PRRT4: variants seen among roughly 807,000 people sequenced by gnomAD.
PRRT4 encodes the protein proline-rich transmembrane protein 4.
PRRT4 carries 59 observed loss-of-function variants against 55.6 expected under a neutral mutation model. That is an observed-to-expected ratio of 1.06 (90% confidence interval 0.86 to 1.32). PRRT4 has a LOEUF of 1.32. Among genes scored for constraint, PRRT4 ranks in the 40% most tolerant of loss-of-function variants. The probability of loss-of-function intolerance (pLI) is 0.00; values close to 1 mark genes in which losing one functional copy is unlikely to be tolerated. For synonymous variants in PRRT4, 606 were observed against 601.8 expected (o/e 1.01, Z -0.10); for missense variants, 1,217 against 1,222.0 (o/e 1.00, Z 0.06).
intron 4 of PRRT4, among the ~76,000 whole-genome samples, chr7:128,357,784 C>G (rs894824654): frequency 3.3e-5 from 5 of 152,192 alleles, no homozygotes; most frequent in African/African-American, 1.2e-4. Flanking sequence ...CCCTCAGTCC[C>G]TCTCCATGAC....
At chr7:128,352,588 G>T (rs1239128318) in exon 5 of PRRT4, 10 of 1,544,188 alleles carry the variant, frequency 6.5e-6, no homozygotes, top group Non-Finnish European at 8.7e-6. Flanking sequence ...CACGCTGCAG[G>T]ACCCTGGCCC....
exon 5 of PRRT4, chr7:128,352,078 G>A: frequency 2.5e-6 from 3 of 1,179,442 alleles, no homozygotes; most frequent in South Asian, 4.1e-5. Context: ...GAGCCGCAGG[G>A]GCCGCAGCGG....
downstream of PRRT4, chr7:128,350,510 T>G (rs1584675506): frequency 3.3e-6 from 1 of 299,148 alleles, no homozygotes; most frequent in Non-Finnish European, 6.3e-6. Flanking sequence ...GGTCCCAGGG[T>G]CCTCTGAGGA....
exon 5 of PRRT4, chr7:128,351,483 G>T: frequency 6.6e-7 from 1 of 1,519,568 alleles, no homozygotes; most frequent in South Asian, 1.2e-5. Flanking sequence ...GGCAACCTCC[G>T]CCCTGGAGTA....
intron 1 of PRRT4, among the ~76,000 whole-genome samples, chr7:128,360,946 A>C (rs974312822): frequency 1.3e-5 from 2 of 149,954 alleles, no homozygotes; most frequent in Non-Finnish European, 3.0e-5. Context: ...CCCGTGACAC[A>C]CTCACCCGTC....
Position 128,352,388 on chromosome 7 carries a change from A to G in PRRT4, c.1168T>C (p.Trp390Arg). ...CAGGGGGCGCCGGGCGGGCACCGCC[A>G]GGGCAAGAGGGCCAGAGCCAGCAGC... The change falls in exon 5 of 5, where the codon TGG becomes CGG. Residue 390 changes from tryptophan (W) to arginine (R), a missense_variant. Trp to Arg is a moderately radical substitution (Grantham distance 101). This residue lies in a region of PRRT4 where 564 missense variants were observed against 592.9 expected (regional missense o/e 0.95). Transcript: ENST00000535159. 1 of 1,524,196 alleles carries G rather than the reference A, an allele frequency of 6.6e-7. No homozygotes were observed. The highest frequency in any genetic ancestry group is 1.2e-5 in the South Asian group (1 of 82,442). The allele number at this position is 1,524,196 out of a possible 1,614,324, so 94.4% of individuals were successfully genotyped here.
intron 4 of PRRT4, among the ~76,000 whole-genome samples, 166 bp from the exon 6 acceptor site, chr7:128,352,844 C>T (rs909863716): frequency 1.3e-5 from 2 of 152,126 alleles, no homozygotes; most frequent in Non-Finnish European, 2.9e-5. Context: ...TTCCCTCCCC[C>T]GCGCCCCTAT....
downstream of PRRT4, chr7:128,350,591 G>A (rs1796933661): frequency 1.9e-6 from 1 of 534,328 alleles, no homozygotes; most frequent in Non-Finnish European, 3.4e-6. Context: ...CTTTATTGCT[G>A]GTGAATGCCA....
At chr7:128,352,540 G>A in exon 5 of PRRT4, 5 of 1,544,290 alleles carry the variant, frequency 3.2e-6, no homozygotes, top group East Asian at 2.4e-5. Flanking sequence ...GGGCCTCGGC[G>A]CCTCGGGAGG....
In PRRT4 at chr7:128,356,087, G is replaced by A. The variant is rs542848191; in HGVS notation, c.877+2594C>T. Among the ~76,000 whole-genome samples the A allele has an allele frequency of 9.1e-4, 138 of 151,954 alleles. 1 individual carries two copies. The highest frequency in any genetic ancestry group is 1.4e-3 in the Non-Finnish European group (97 of 67,968). ...CAGCCTGGCCAACATGGTGAAACCC[G>A]ACTCTTACTAAAAATACAAAAATTA... On this transcript the variant is annotated intron_variant, in intron 4 of 4. Coordinates refer to ENST00000535159, the Ensembl canonical transcript of PRRT4.
intron 4 of PRRT4, among the ~76,000 whole-genome samples, chr7:128,352,901 TCTC>T (rs1230919745): frequency 3.3e-5 from 5 of 151,584 alleles, no homozygotes; most frequent in East Asian, 2.0e-4. Flanking sequence ...CCCTCTTCCT[TCTC>T]CTACTTCTCG....
exon 5 of PRRT4, chr7:128,351,788 C>T (rs1342198806): frequency 1.4e-6 from 2 of 1,423,130 alleles, no homozygotes; most frequent in South Asian, 1.5e-5. Flanking sequence ...CCTTCCAGGC[C>T]GGATTGGCCG....
chr7:128,359,899 A>C (rs1584689162), exon 2 of PRRT4: 2 of 1,456,492 alleles, frequency 1.4e-6, no homozygotes, highest in Non-Finnish European at 9.1e-7. Flanking sequence ...TGGCAGGGGC[A>C]CCTGGGATGG....
exon 2 of PRRT4, chr7:128,359,639 C>T (rs1190534392): frequency 4.5e-6 from 7 of 1,543,890 alleles, no homozygotes; most frequent in Non-Finnish European, 6.1e-6. Flanking sequence ...CTTTGAGCCA[C>T]CTTCGGTGGA....
chr7:128,351,483 G>A (rs2116438720), exon 5 of PRRT4: 2 of 1,519,568 alleles, frequency 1.3e-6, no homozygotes, highest in South Asian at 1.2e-5. Context: ...GGCAACCTCC[G>A]CCCTGGAGTA....
chr7:128,355,581 G>A (rs1797096120), intron 4 of PRRT4, among the ~76,000 whole-genome samples: 1 of 152,216 alleles, frequency 6.6e-6, no homozygotes, highest in South Asian at 2.1e-4. Flanking sequence ...ACTTAGCTGG[G>A]AATGGAGAGC....
intron 4 of PRRT4, among the ~76,000 whole-genome samples, chr7:128,356,585 C>T (rs1384863515): frequency 6.6e-6 from 1 of 152,260 alleles, no homozygotes; most frequent in Non-Finnish European, 1.5e-5. Flanking sequence ...CCTGAGCAAG[C>T]CTCCTTTACT....
At chr7:128,359,925 G>A in exon 2 of PRRT4, 1 of 1,454,624 alleles carries the variant, frequency 6.9e-7, no homozygotes, top group Non-Finnish European at 9.1e-7. Context: ...GTGGGCTGGG[G>A]GCCCACAGTA....
exon 5 of PRRT4, chr7:128,352,370 C>T (rs1415894247): frequency 6.6e-7 from 1 of 1,525,126 alleles, no homozygotes; most frequent in Non-Finnish European, 8.8e-7. Context: ...AGGCAGGGGG[C>T]GCCGGGCGGG....
Sources: gnomAD v4.1 joint callset for allele counts (sites outside exome capture counted in the v4.1 genomes callset) on GRCh38, gnomAD v4.1.1 for gene constraint, gnomAD v4.1.1 regional missense constraint, MANE v1.5 for transcripts, NCBI Gene and HGNC (gene_info 2026-07-23, HGNC 2026-07-21) for gene names.